WLS: variants seen among roughly 807,000 people sequenced by gnomAD.
The protein encoded by WLS is protein wntless homolog.
Under a neutral mutation model 62.8 loss-of-function variants are expected in WLS, and 23 were observed. That is an observed-to-expected ratio of 0.37 (90% confidence interval 0.26 to 0.52). WLS has a LOEUF of 0.52. Among genes scored for constraint, WLS ranks in the 20% least tolerant of loss-of-function variants. The pLI, the probability that WLS is intolerant of heterozygous loss-of-function variation, is 0.92. For missense variants in WLS, 615 were observed against 697.3 expected (o/e 0.88, Z 1.33); for synonymous variants, 246 against 244.1 (o/e 1.01, Z -0.07).
At chr1:68,193,051 G>T (rs1037350493) in intron 2 of WLS, among the ~76,000 whole-genome samples, 2 of 151,368 alleles carry the variant, frequency 1.3e-5, no homozygotes, top group African/African-American at 2.4e-5. Flanking sequence ...GGAGATTGCA[G>T]TAAGCCGAGA....
intron 11 of WLS, among the ~76,000 whole-genome samples, chr1:68,136,440 C>T (rs773360340): frequency 6.6e-6 from 1 of 152,140 alleles, no homozygotes; most frequent in Non-Finnish European, 1.5e-5. Context: ...CTTAGGACAA[C>T]AGTTTCAAGA....
rs757550229 is a variant in WLS at position 68,145,968 on chromosome 1, G to A, written c.1179C>T (p.Phe393=). The A allele has an allele frequency of 6.4e-5, 104 of 1,614,084 alleles. No homozygotes were observed. The highest frequency in any genetic ancestry group is 7.8e-5 in the Non-Finnish European group (92 of 1,180,052). Residue 393 remains phenylalanine (F), a synonymous_variant, in exon 9 of 12, where the codon TTC becomes TTT. Transcript: ENST00000262348. ...GAAATACCATGAAGCATAGAAACAG[G>A]AAGTAGAGGCAGAGGCAGATTCCAG... The part of the protein sequence containing the change: ...IVAGICLCLY[F]LFLCFMVFQV...
rs537667082 is a variant in WLS, at chr1:68,137,907, G to A, written c.1389C>T (p.Gly463=). Residue 463 remains glycine, a synonymous_variant, in exon 11 of 12, where the codon GGC becomes GGT. Coordinates refer to ENST00000262348, the MANE Select transcript of WLS (RefSeq NM_024911.7). The part of the protein sequence containing the change: ...SQVTEGHWKW[G]GVTVQVNSAF... ...CACTGTTCACTTGGACTGTGACGCCGCCCCATTTCCAATGGCCTTCCGTTA... is the reference window on the plus strand; with the variant it reads ...CACTGTTCACTTGGACTGTGACGCCACCCCATTTCCAATGGCCTTCCGTTA... 3.8e-5 allele frequency: 62 copies of A among 1,613,856 alleles called. No individual in the cohort carries two copies. Among genetic ancestry groups the A allele is most frequent in the Admixed American group, 1.2e-4 (7 of 59,996 alleles).
At chr1:68,196,223 A>G (rs1648652547) in intron 1 of WLS, among the ~76,000 whole-genome samples, 1 of 151,786 alleles carries the variant, frequency 6.6e-6, no homozygotes, top group South Asian at 2.1e-4. Flanking sequence ...TAGTTTTCCC[A>G]TCCAAGAACA....
At chr1:68,116,587 A>G (rs867412339) in intron 11 of WLS, among the ~76,000 whole-genome samples, 1 of 152,188 alleles carries the variant, frequency 6.6e-6, no homozygotes, top group Non-Finnish European at 1.5e-5. Flanking sequence ...TTTAAGGATT[A>G]AAGAAGTTGA....
At chr1:68,184,346 C>A (rs968455054) in intron 2 of WLS, among the ~76,000 whole-genome samples, 1 of 152,232 alleles carries the variant, frequency 6.6e-6, no homozygotes, top group South Asian at 2.1e-4. Context: ...CAGTGGGTAC[C>A]GTTTTAGCCA....
chr1:68,220,591 C>T (rs1173152975), intron 1 of WLS, among the ~76,000 whole-genome samples: 1 of 152,176 alleles, frequency 6.6e-6, no homozygotes, highest in African/African-American at 2.4e-5. Context: ...CACATTCCAT[C>T]AGTTATTATA....
At chr1:68,197,155 G>C (rs984309585) in intron 1 of WLS, among the ~76,000 whole-genome samples, 1 of 151,934 alleles carries the variant, frequency 6.6e-6, no homozygotes, top group African/African-American at 2.4e-5. Flanking sequence ...AACTAGCTGA[G>C]TTCCTCAGCT....
chr1:68,158,379 A>G (rs1646928591), intron 3 of WLS, among the ~76,000 whole-genome samples: 2 of 152,142 alleles, frequency 1.3e-5, no homozygotes, highest in Admixed American at 1.3e-4. Flanking sequence ...GCCTTAGTTT[A>G]TATGTTTTCT....
intron 11 of WLS, among the ~76,000 whole-genome samples, chr1:68,126,890 G>T (rs952676555): frequency 1.3e-5 from 2 of 152,124 alleles, no homozygotes; most frequent in Admixed American, 6.5e-5. Context: ...CATTTGCTAT[G>T]AATAATTTAC....
chr1:68,154,053 C>T (rs75919906), intron 4 of WLS, among the ~76,000 whole-genome samples: 3,234 of 152,114 alleles, frequency 0.021, 51 homozygotes, highest in African/African-American at 0.035. Flanking sequence ...TTTAGAGGTA[C>T]GGATTAATAG....
chr1:68,229,287 A>G (rs1650307552), intron 1 of WLS, among the ~76,000 whole-genome samples: 1 of 152,100 alleles, frequency 6.6e-6, no homozygotes, highest in African/African-American at 2.4e-5. Flanking sequence ...TTTGCCATTT[A>G]TATTCTCCCC....
At chr1:68,216,825 G>C (rs968179780) in intron 1 of WLS, among the ~76,000 whole-genome samples, 5 of 152,156 alleles carry the variant, frequency 3.3e-5, no homozygotes, top group Admixed American at 2.0e-4. Context: ...TTCTGAGAGT[G>C]AGCATTCTTT....
chr1:68,163,007 G>T, intron 2 of WLS: 4 of 1,593,564 alleles, frequency 2.5e-6, no homozygotes, highest in Non-Finnish European at 3.4e-6. Flanking sequence ...AGTGCAGGGG[G>T]CCGTTCATGA....
At chr1:68,212,081 T>C (rs559484824) in intron 1 of WLS, among the ~76,000 whole-genome samples, 1 of 152,324 alleles carries the variant, frequency 6.6e-6, no homozygotes, top group Admixed American at 6.5e-5. Context: ...TCCTTCCCCC[T>C]TTTTTGATCG....
At chr1:68,136,725 G>A (rs1428170776) in intron 11 of WLS, among the ~76,000 whole-genome samples, 1 of 152,196 alleles carries the variant, frequency 6.6e-6, no homozygotes, top group Non-Finnish European at 1.5e-5. Flanking sequence ...AGGTGTTAAA[G>A]AAGATGCTGC....
chr1:68,193,650 G>A (rs78835427), intron 2 of WLS, among the ~76,000 whole-genome samples: 8,681 of 152,116 alleles, frequency 0.057, 277 homozygotes, highest in East Asian at 0.13. Flanking sequence ...AAGCTTGGTG[G>A]TTAGGGCAGT....
intron 1 of WLS, among the ~76,000 whole-genome samples, chr1:68,226,753 T>C (rs1244203702): frequency 6.6e-6 from 1 of 152,190 alleles, no homozygotes; most frequent in Non-Finnish European, 1.5e-5. Flanking sequence ...TACACCCTAA[T>C]AGATATTTTG....
At chr1:68,197,875 T>A (rs1648763888) in intron 1 of WLS, among the ~76,000 whole-genome samples, 1 of 152,156 alleles carries the variant, frequency 6.6e-6, no homozygotes, top group Admixed American at 6.6e-5. Context: ...GAAGTTTAAA[T>A]CATCTTCAAC....
Sources: allele counts gnomAD v4.1 joint callset (sites outside exome capture counted in the v4.1 genomes callset), GRCh38; gene constraint gnomAD v4.1.1; transcripts MANE v1.5; gene names NCBI Gene and HGNC (gene_info 2026-07-23, HGNC 2026-07-21).